Variants in C1QTNF7 observed in about 807,000 individuals in gnomAD.
C1QTNF7 encodes complement C1q tumor necrosis factor-related protein 7.
A neutral mutation model predicts 19.6 loss-of-function variants in C1QTNF7; 15 were observed. That is an observed-to-expected ratio of 0.76 (90% CI 0.51 to 1.18). The LOEUF (loss-of-function observed/expected upper bound fraction) is 1.18. C1QTNF7 is among the 50% of genes most tolerant of loss of function. The pLI is 0.00. For missense variants in C1QTNF7, 324 were observed against 359.7 expected (o/e 0.90, Z 0.80); for synonymous variants, 142 against 137.5 (o/e 1.03, Z -0.23).
At chr4:15,427,987 G>C, upstream of C1QTNF7, 2 of 972,302 alleles carry the variant, frequency 2.1e-6, no homozygotes, top group Non-Finnish European at 2.4e-6. Context: ...GGAAATCTTT[G>C]AGAATTTGGA....
At chr4:15,375,940 T>G (rs977267053) in intron 1 of C1QTNF7, among the ~76,000 whole-genome samples, 1 of 152,234 alleles carries the variant, frequency 6.6e-6, no homozygotes, top group African/African-American at 2.4e-5. Context: ...TCAGTCATTG[T>G]CAGCACACAC....
chr4:15,382,371 T>TTTTTGCA lies in C1QTNF7; in HGVS notation c.13+42165_13+42166insTTTGCAT, dbSNP rs1718178899. Among the ~76,000 whole-genome samples, 4 of 151,582 alleles carry TTTTTGCA rather than the reference T, an allele frequency of 2.6e-5. No homozygotes were observed. The South Asian group carries it at 8.4e-4, about 32-fold the overall frequency. On this transcript the variant is annotated intron_variant, in intron 1 of 2. Coordinates refer to the C1QTNF7 transcript ENST00000295297. ...GATTTGCATAGCCAAAATCTATTCA[T>TTTTTGCA]TAGCCAAAAACTCATTTCTGCAAGA...
At chr4:15,431,328 G>T (rs909156155) in intron 1 of C1QTNF7, among the ~76,000 whole-genome samples, 2 of 152,170 alleles carry the variant, frequency 1.3e-5, no homozygotes, top group African/African-American at 2.4e-5. Context: ...TTGTATATGG[G>T]ATGCCAACAT....
intron 1 of C1QTNF7, among the ~76,000 whole-genome samples, chr4:15,379,216 G>C (rs1002457006): frequency 1.3e-5 from 2 of 152,132 alleles, no homozygotes; most frequent in Non-Finnish European, 2.9e-5. Flanking sequence ...TGAAAAATAA[G>C]AGTAAAGAGG....
rs1307912116 is a variant in C1QTNF7, at chr4:15,350,321, A to AG, written c.13+10114_13+10115insG. ...AGGAAAGGAGGGAAGGGAGGGAAGG[A>AG]AGGAGGAAAGAAAGGAGGGAGGGAG... On this transcript the variant is annotated intron_variant, in intron 1 of 2. Coordinates refer to the C1QTNF7 transcript ENST00000295297. 6.3e-3 allele frequency among the ~76,000 whole-genome samples: 318 copies of AG among 50,212 alleles called. 36 individuals carry two copies. The highest frequency in any genetic ancestry group is 0.01 in the Middle Eastern group (1 of 96). 32.9% of individuals were successfully genotyped at this position (50,212 alleles called of 152,430 possible). A position where few individuals can be genotyped will look rare whatever the true frequency, so the allele number is the denominator to read the frequency against.
chr4:15,434,553 C>A lies in C1QTNF7; in HGVS notation c.-8-1183C>A, dbSNP rs961516696. 9.2e-5 allele frequency among the ~76,000 whole-genome samples: 14 copies of A among 152,302 alleles called. 1 individual carries two copies. The highest frequency in any genetic ancestry group is 3.4e-3 in the Middle Eastern group (1 of 294). ...TAAAGCATGGGTCCAACCATCCAAA[C>A]ACAACTCATTTGCATGACCCCAGAA... On this transcript the variant is annotated intron_variant, in intron 1 of 2. Coordinates refer to ENST00000444304, the MANE Select transcript of C1QTNF7 (RefSeq NM_031911.5).
intron 1 of C1QTNF7, among the ~76,000 whole-genome samples, chr4:15,359,645 A>G (rs943696502): frequency 2.0e-5 from 3 of 152,188 alleles, no homozygotes; most frequent in African/African-American, 7.2e-5. Context: ...CTCAAAGGAA[A>G]TGATAATATA....
chr4:15,400,341 T>C (rs1415161477), intron 1 of C1QTNF7, among the ~76,000 whole-genome samples: 1 of 152,208 alleles, frequency 6.6e-6, no homozygotes, highest in Non-Finnish European at 1.5e-5. Context: ...TAATCTGTCA[T>C]AAATCAGCCA....
intron 1 of C1QTNF7, among the ~76,000 whole-genome samples, chr4:15,343,392 T>C (rs1716613951): frequency 1.3e-5 from 2 of 152,158 alleles, no homozygotes; most frequent in Non-Finnish European, 2.9e-5. Flanking sequence ...TGTATTTCTA[T>C]GAAACTGAAG....
chr4:15,416,380 G>A (rs569634158), intron 1 of C1QTNF7, among the ~76,000 whole-genome samples: 40 of 152,094 alleles, frequency 2.6e-4, no homozygotes, highest in Non-Finnish European at 5.0e-4. Flanking sequence ...ATACCAGCTC[G>A]GTTCAACTCC....
Position 15,446,080 on chromosome 4 carries a change from T to C in C1QTNF7, c.*3281T>C, listed in dbSNP as rs921345530. The C allele has an allele frequency of 3.3e-5, 5 of 152,192 alleles. No individual in the cohort carries two copies. Among genetic ancestry groups the C allele is most frequent in the African/African-American group, 1.2e-4 (5 of 41,450 alleles). 9.4% of individuals were successfully genotyped at this position (152,192 alleles called of 1,614,324 possible). A position where few individuals can be genotyped will look rare whatever the true frequency, so the allele number is the denominator to read the frequency against. On this transcript the variant is annotated 3_prime_UTR_variant, in exon 3 of 3. Coordinates refer to ENST00000444304, the MANE Select transcript of C1QTNF7 (RefSeq NM_031911.5). ...TCATTGTGAACAGTGTTGCTTATGATAAAAAATAGATTCTATAAACTCTAA... is the reference window on the plus strand; with the variant it reads ...TCATTGTGAACAGTGTTGCTTATGACAAAAAATAGATTCTATAAACTCTAA...
At chr4:15,395,086 G>A (rs544534551) in intron 1 of C1QTNF7, among the ~76,000 whole-genome samples, 12 of 152,344 alleles carry the variant, frequency 7.9e-5, no homozygotes, top group Admixed American at 6.5e-4. Context: ...GAGCCTGGCT[G>A]GTCAGGGGGC....
intron 1 of C1QTNF7, among the ~76,000 whole-genome samples, chr4:15,376,159 T>C (rs540000025): frequency 6.6e-6 from 1 of 152,372 alleles, no homozygotes; most frequent in African/African-American, 2.4e-5. Context: ...CCTTCTTGTA[T>C]AAACATGTCT....
At chr4:15,373,584 G>A (rs1477176503) in intron 1 of C1QTNF7, among the ~76,000 whole-genome samples, 1 of 152,190 alleles carries the variant, frequency 6.6e-6, no homozygotes, top group African/African-American at 2.4e-5. Flanking sequence ...CTGTGTTTTG[G>A]AACGTTTAAA....
Position 15,443,262 on chromosome 4 carries a change from A to G in C1QTNF7, c.*463A>G, listed in dbSNP as rs10022438. 3,061 of 153,634 alleles carry G rather than the reference A, an allele frequency of 0.02. 105 individuals are homozygous for G. Among genetic ancestry groups the G allele is most frequent in the African/African-American group, 0.07 (2,908 of 41,576 alleles). 9.5% of individuals were successfully genotyped at this position (153,634 alleles called of 1,614,324 possible). Reference sequence around the variant, plus strand: ...ACTATTTTTCAAGCAAGCTACAGAGAAATGATAAATGTTTTTTGTTTTATT... The same window carrying G: ...ACTATTTTTCAAGCAAGCTACAGAGGAATGATAAATGTTTTTTGTTTTATT... On this transcript the variant is annotated 3_prime_UTR_variant, in exon 3 of 3. Transcript: ENST00000444304.
intron 2 of C1QTNF7, among the ~76,000 whole-genome samples, chr4:15,438,190 C>A (rs34400909): frequency 0.27 from 41,118 of 151,834 alleles, 6,600 homozygotes; most frequent in East Asian, 0.37. Context: ...ATTCAAAAAC[C>A]ATCAAAAACA....
chr4:15,347,752 A>C (rs1560336577), intron 1 of C1QTNF7, among the ~76,000 whole-genome samples: 1 of 152,206 alleles, frequency 6.6e-6, no homozygotes, highest in African/African-American at 2.4e-5. Context: ...CCCAGAGTAC[A>C]TGGAACTATT....
At chr4:15,374,142 C>G (rs1717836476) in intron 1 of C1QTNF7, 1 of 152,218 alleles carries the variant, frequency 6.6e-6, no homozygotes, top group South Asian at 2.1e-4. Context: ...ACAGCACTGG[C>G]TTGACAGTCG....
chr4:15,420,946 G>A (rs1034965538), intron 1 of C1QTNF7, among the ~76,000 whole-genome samples: 2 of 148,972 alleles, frequency 1.3e-5, no homozygotes, highest in Non-Finnish European at 3.0e-5. Context: ...AGTCTGCTGA[G>A]GACATTGTTT....
Sources: gnomAD v4.1 joint callset for allele counts (sites outside exome capture counted in the v4.1 genomes callset) on GRCh38, gnomAD v4.1.1 for gene constraint, MANE v1.5 for transcripts, NCBI Gene and HGNC (gene_info 2026-07-23, HGNC 2026-07-21) for gene names.